The following KCNG3 variants were observed in gnomAD, a reference collection of about 807,000 sequenced individuals.
The protein encoded by KCNG3 is voltage-gated potassium channel regulatory subunit KCNG3.
KCNG3 carries 15 observed loss-of-function variants against 29.0 expected under a neutral mutation model. The ratio of observed to expected loss-of-function variants is 0.52; its 90% CI spans 0.35 to 0.80. The LOEUF (loss-of-function observed/expected upper bound fraction) is 0.80. Among genes scored for constraint, KCNG3 ranks in the 30% least tolerant of loss-of-function variants. The pLI is 0.01. For missense variants in KCNG3, 512 were observed against 605.7 expected, an observed-to-expected ratio of 0.85 and a Z score of 1.62; for synonymous variants, 322 against 248.9, an observed-to-expected ratio of 1.29 and a Z score of -2.76.
At chr2:42,428,357 A>G in the KCNG3 span, among the ~76,000 whole-genome samples, 1 of 149,304 alleles carries the variant, frequency 6.7e-6, no homozygotes, top group East Asian at 2.0e-4. Flanking sequence ...GCTACTCAGG[A>G]GGCTGAGGCA....
chr2:42,412,985 T>G, the KCNG3 span, among the ~76,000 whole-genome samples: 1 of 152,162 alleles, frequency 6.6e-6, no homozygotes. Context: ...TCACCCATGC[T>G]AGAGTGCAGG....
chr2:42,427,619 A>C, the KCNG3 span, among the ~76,000 whole-genome samples: 1 of 152,074 alleles, frequency 6.6e-6, no homozygotes, highest in Non-Finnish European at 1.5e-5. Flanking sequence ...AAAAAAAAAA[A>C]TTATTTCAAC....
At position 42,444,109 on chromosome 2, in the gene KCNG3, A is replaced by G. The variant is rs776361468; in HGVS notation, c.1136T>C (p.Met379Thr). The change falls in exon 2 of 2, where the codon ATG (methionine) becomes ACG (threonine). Residue 379 changes from methionine to threonine, a missense_variant. By Grantham distance (81) the Met-to-Thr change is moderately conservative (BLOSUM62 -1). Transcript: ENST00000306078. The surrounding 1 kb of genome is among the most constrained non-coding windows in gnomAD (Gnocchi z 5.8). ...TCTTCCAGGCACTGTGATAGGATAC[A>G]TATCTCCATAGCCAACTGTAGTCAT... ...ISMTTVGYGDMYPITVPGRIL... is the reference protein window; with the variant it reads ...ISMTTVGYGDTYPITVPGRIL... The G allele has an allele frequency of 3.1e-6, 5 of 1,614,196 alleles. No individual in the cohort carries two copies. The highest frequency in any genetic ancestry group is 4.2e-6 in the Non-Finnish European group (5 of 1,180,030).
At chr2:42,423,557 G>A in the KCNG3 span, among the ~76,000 whole-genome samples, 25 of 152,286 alleles carry the variant, frequency 1.6e-4, no homozygotes, top group African/African-American at 6.0e-4. Context: ...AACCCTATAA[G>A]TGTCACAGAT....
At chr2:42,459,981 G>A (rs72800033) in intron 1 of KCNG3, among the ~76,000 whole-genome samples, 115 of 145,464 alleles carry the variant, frequency 7.9e-4, no homozygotes, top group Non-Finnish European at 7.8e-4. Flanking sequence ...ATCTCAAAAA[G>A]AAAAAAAAAA....
Position 42,443,856 on chromosome 2 carries a change from C to A in KCNG3, c.*78G>T. On this transcript the variant is annotated 3_prime_UTR_variant, in exon 2 of 2. Coordinates refer to ENST00000306078, the MANE Select transcript of KCNG3 (RefSeq NM_133329.6). ...GATGACAATGCCACTGCAGTGCTCA[C>A]CCAGCAAGAAACACATAAATATGAA... 1.4e-6 allele frequency: 2 copies of A among 1,385,674 alleles called. No homozygotes were observed. Among genetic ancestry groups the A allele is most frequent in the Admixed American group, 2.1e-5 (1 of 47,104 alleles). 85.8% of individuals were successfully genotyped at this position (1,385,674 alleles called of 1,614,324 possible).
intron 1 of KCNG3, among the ~76,000 whole-genome samples, chr2:42,489,540 T>C (rs1223432354): frequency 6.6e-6 from 1 of 152,222 alleles, no homozygotes; most frequent in African/African-American, 2.4e-5. Flanking sequence ...AAGGATATCA[T>C]AGATGCCAAA....
chr2:42,392,025 A>G, the KCNG3 span, among the ~76,000 whole-genome samples: 1 of 152,190 alleles, frequency 6.6e-6, no homozygotes, highest in Non-Finnish European at 1.5e-5. Context: ...ATACAGCAAA[A>G]TCTTAGGGAT....
chr2:42,468,323 T>C (rs987236908), intron 1 of KCNG3, among the ~76,000 whole-genome samples: 1 of 152,144 alleles, frequency 6.6e-6, no homozygotes. Context: ...CTCTTTGACA[T>C]ACAATGAAGT....
chr2:42,457,590 T>C (rs143580183), intron 1 of KCNG3, among the ~76,000 whole-genome samples: 2,224 of 150,678 alleles, frequency 0.015, 54 homozygotes, highest in African/African-American at 0.049. Context: ...CTCATGCCTG[T>C]AATCCTAGCA....
At chr2:42,475,734 T>C (rs907014252) in intron 1 of KCNG3, among the ~76,000 whole-genome samples, 2 of 151,756 alleles carry the variant, frequency 1.3e-5, no homozygotes, top group Non-Finnish European at 2.9e-5. Context: ...TAGGATGCAA[T>C]TGATCAAAAC....
chr2:42,477,392 C>T (rs1323021301), intron 1 of KCNG3, among the ~76,000 whole-genome samples: 1 of 40,046 alleles, frequency 2.5e-5, no homozygotes, highest in African/African-American at 6.6e-5. Context: ...TATATATACA[C>T]ACACACACAC....
chr2:42,423,537 G>C, the KCNG3 span, among the ~76,000 whole-genome samples: 20 of 152,226 alleles, frequency 1.3e-4, no homozygotes, highest in Admixed American at 1.2e-3. Context: ...TCTTGCTTTG[G>C]TACATGCTGA....
chr2:42,486,516 C>T lies in KCNG3; in HGVS notation c.665+6321G>A, dbSNP rs143947999. On this transcript the variant is annotated intron_variant, in intron 1 of 1. Transcript: ENST00000306078. Reference sequence around the variant, plus strand: ...AGAAAATCCAAACTCCTTCCCATGGCACACAGGCCCTGCCTGATAGGTCCC... The same window carrying T: ...AGAAAATCCAAACTCCTTCCCATGGTACACAGGCCCTGCCTGATAGGTCCC... 1.1e-4 allele frequency among the ~76,000 whole-genome samples: 16 copies of T among 152,354 alleles called. No homozygotes were observed. The East Asian group carries it at 3.1e-3, about 29-fold the overall frequency.
At chr2:42,398,181 C>A in the KCNG3 span, among the ~76,000 whole-genome samples, 16 of 151,430 alleles carry the variant, frequency 1.1e-4, no homozygotes, top group Admixed American at 2.6e-4. Flanking sequence ...CGAGACCGCG[C>A]CACTGCACTC....
intron 1 of KCNG3, among the ~76,000 whole-genome samples, chr2:42,449,010 T>C (rs905624318): frequency 6.6e-6 from 1 of 151,994 alleles, no homozygotes; most frequent in Non-Finnish European, 1.5e-5. Context: ...AACATGCTTA[T>C]ACAGACAGCC....
At chr2:42,489,636 G>T (rs1290837314) in intron 1 of KCNG3, among the ~76,000 whole-genome samples, 2 of 152,152 alleles carry the variant, frequency 1.3e-5, no homozygotes, top group Non-Finnish European at 2.9e-5. Flanking sequence ...TTCAAGAGAG[G>T]AATAGAATCT....
the KCNG3 span, among the ~76,000 whole-genome samples, chr2:42,412,388 C>T: frequency 6.6e-6 from 1 of 152,138 alleles, no homozygotes; most frequent in Non-Finnish European, 1.5e-5. Context: ...ACTTTGGTTT[C>T]CTAAACTGAT....
intron 1 of KCNG3, chr2:42,470,358 A>G: frequency 4.3e-6 from 1 of 231,362 alleles, no homozygotes; most frequent in South Asian, 6.3e-5. Context: ...AAACAAAGTA[A>G]AAATACCAGC....
Sources: gnomAD v4.1 joint callset for allele counts (sites outside exome capture counted in the v4.1 genomes callset) on GRCh38, gnomAD v4.1.1 for gene constraint, Gnocchi (gnomAD v3.1) non-coding constraint, MANE v1.5 for transcripts, NCBI Gene and HGNC (gene_info 2026-07-23, HGNC 2026-07-21) for gene names.